TBL1XR1: variants seen among roughly 807,000 people sequenced by gnomAD.
The protein encoded by TBL1XR1 is TBL1X/Y related 1.
A neutral mutation model predicts 66.9 loss-of-function variants in TBL1XR1; 5 were observed. That is an observed-to-expected ratio of 0.07 (90% CI 0.04 to 0.16). The LOEUF is 0.16. Ranked by LOEUF, TBL1XR1 falls within the 10% of genes least tolerant of loss-of-function variation. The pLI is 1.00. For missense variants in TBL1XR1, 238 were observed against 623.2 expected, an observed-to-expected ratio of 0.38 and a Z score of 6.58; for synonymous variants, 210 against 206.0, an observed-to-expected ratio of 1.02 and a Z score of -0.17.
intron 1 of TBL1XR1, among the ~76,000 whole-genome samples, chr3:177,176,329 T>A (rs1734147848): frequency 6.6e-6 from 1 of 150,904 alleles, no homozygotes; most frequent in Admixed American, 6.6e-5. Flanking sequence ...CCCGAGTAGC[T>A]GCGATTACAG....
intron 2 of TBL1XR1, among the ~76,000 whole-genome samples, chr3:177,082,738 T>TTATATATATATATATATATA (rs374510003): frequency 0.061 from 3,837 of 62,636 alleles, 529 homozygotes; most frequent in South Asian, 0.077. Flanking sequence ...AAGATAGAGA[T>TTATATATATATATATATATA]TATATATATA....
intron 2 of TBL1XR1, among the ~76,000 whole-genome samples, chr3:177,067,701 G>A (rs1214592820): frequency 3.4e-5 from 5 of 149,064 alleles, no homozygotes; most frequent in Admixed American, 6.7e-5. Flanking sequence ...CGGCAATTAA[G>A]TTTTTTTTTT....
In TBL1XR1 at chr3:177,049,988, G is replaced by T; in HGVS notation, c.702+9C>A. ...TAATTATATCCATCATGGATATAGT[G>T]ATACTCACATTCCAATCTAGAGATG... On this transcript the variant is annotated intron_variant, in intron 7 of 15. Transcript: ENST00000457928. 1 of 1,612,834 alleles carries T rather than the reference G, an allele frequency of 6.2e-7. No homozygotes were observed. The highest frequency in any genetic ancestry group is 1.1e-5 in the South Asian group (1 of 91,022).
chr3:177,172,716 C>A (rs1733710963), intron 1 of TBL1XR1, among the ~76,000 whole-genome samples: 1 of 146,582 alleles, frequency 6.8e-6, no homozygotes, highest in Non-Finnish European at 1.5e-5. Flanking sequence ...AGAGAAGAGC[C>A]AAGCCGAGCC....
At chr3:177,116,447 T>G (rs1726321623) in intron 1 of TBL1XR1, among the ~76,000 whole-genome samples, 1 of 152,180 alleles carries the variant, frequency 6.6e-6, no homozygotes, top group Non-Finnish European at 1.5e-5. Flanking sequence ...TTTCCCAAAC[T>G]CCTCTTACAT....
At chr3:177,093,055 C>T (rs1487755726) in intron 2 of TBL1XR1, among the ~76,000 whole-genome samples, 2 of 151,956 alleles carry the variant, frequency 1.3e-5, no homozygotes, top group African/African-American at 4.8e-5. Flanking sequence ...TAATTGTATA[C>T]CTAGAAAACC....
chr3:177,096,331 T>TACACACACACACACACACAC (rs756833949), intron 2 of TBL1XR1, among the ~76,000 whole-genome samples: 1,613 of 100,684 alleles, frequency 0.016, 11 homozygotes, highest in South Asian at 0.039. Flanking sequence ...CTAACATACA[T>TACACACACACACACACACAC]ACATACACAC....
intron 1 of TBL1XR1, among the ~76,000 whole-genome samples, chr3:177,167,825 C>A (rs1457123332): frequency 6.6e-6 from 1 of 152,062 alleles, no homozygotes; most frequent in African/African-American, 2.4e-5. Flanking sequence ...CAGCTAGCTA[C>A]TCGGGAGGCT....
intron 2 of TBL1XR1, among the ~76,000 whole-genome samples, chr3:177,088,774 G>A (rs968773248): frequency 2.0e-5 from 3 of 151,492 alleles, no homozygotes; most frequent in Non-Finnish European, 4.4e-5. Context: ...CCCTCTTACT[G>A]TTGATTTGGG....
At chr3:177,054,048 G>A in intron 3 of TBL1XR1, 130 bp from the exon 4 acceptor site, 2 of 69,064 alleles carry the variant, frequency 2.9e-5, no homozygotes, top group Non-Finnish European at 5.0e-5. Flanking sequence ...CGAAGGTCGT[G>A]TGTGTGTGTG....
At chr3:177,029,717 C>G (rs1713669364) in intron 14 of TBL1XR1, among the ~76,000 whole-genome samples, 1 of 152,128 alleles carries the variant, frequency 6.6e-6, no homozygotes, top group African/African-American at 2.4e-5. Flanking sequence ...TGGGAGATCA[C>G]TGGAATCCAT....
At chr3:177,067,056 T>A (rs1719257039) in intron 2 of TBL1XR1, among the ~76,000 whole-genome samples, 1 of 152,136 alleles carries the variant, frequency 6.6e-6, no homozygotes, top group Non-Finnish European at 1.5e-5. Flanking sequence ...AGATGGTAAA[T>A]GTTCTGGCAG....
chr3:177,174,882 G>C (rs1200536621), intron 1 of TBL1XR1, among the ~76,000 whole-genome samples: 4 of 152,040 alleles, frequency 2.6e-5, no homozygotes, highest in Non-Finnish European at 4.4e-5. Flanking sequence ...TTCCTATTAC[G>C]GTCAGAAGAA....
At chr3:177,099,766 T>C (rs41477446) in intron 1 of TBL1XR1, among the ~76,000 whole-genome samples, 11,116 of 152,332 alleles carry the variant, frequency 0.073, 549 homozygotes, top group Admixed American at 0.16. Flanking sequence ...CTCAAGGTCA[T>C]TTGTTATGAA....
chr3:177,117,209 C>CTCCA (rs1726412612), intron 1 of TBL1XR1, among the ~76,000 whole-genome samples: 2 of 152,170 alleles, frequency 1.3e-5, no homozygotes, highest in African/African-American at 4.8e-5. Context: ...TTAATCAAAT[C>CTCCA]TCCACTATTT....
intron 1 of TBL1XR1, among the ~76,000 whole-genome samples, chr3:177,165,053 A>G (rs1232579825): frequency 1.3e-5 from 2 of 152,134 alleles, no homozygotes; most frequent in Admixed American, 6.6e-5. Flanking sequence ...AAAATTTGTT[A>G]TGGGTTCTAG....
At chr3:177,162,564 G>A (rs1732346872) in intron 1 of TBL1XR1, among the ~76,000 whole-genome samples, 1 of 152,176 alleles carries the variant, frequency 6.6e-6, no homozygotes, top group Non-Finnish European at 1.5e-5. Context: ...TGATGGAAAT[G>A]TTCTAAATCT....
At chr3:177,141,791 G>A (rs763866453) in intron 1 of TBL1XR1, among the ~76,000 whole-genome samples, 4 of 152,166 alleles carry the variant, frequency 2.6e-5, no homozygotes, top group Non-Finnish European at 4.4e-5. Context: ...CACAATAGCC[G>A]AAAGTCGGGA....
At chr3:177,114,090 A>C (rs1725985478) in intron 1 of TBL1XR1, among the ~76,000 whole-genome samples, 1 of 152,172 alleles carries the variant, frequency 6.6e-6, no homozygotes, top group Non-Finnish European at 1.5e-5. Context: ...AAAGTTAAAA[A>C]TGGCATATTC....
Sources: allele counts gnomAD v4.1 joint callset (sites outside exome capture counted in the v4.1 genomes callset), GRCh38; gene constraint gnomAD v4.1.1; transcripts MANE v1.5; gene names NCBI Gene and HGNC (gene_info 2026-07-23, HGNC 2026-07-21).